Variants in ZNF705B observed in about 807,000 individuals in gnomAD.
The protein encoded by ZNF705B is Putative zinc finger protein 705D-like protein LOC100132396.
A neutral mutation model predicts 10.5 loss-of-function variants in ZNF705B; 1 was observed. That is an observed-to-expected ratio of 0.10 (90% CI 0.03 to 0.45). The LOEUF (loss-of-function observed/expected upper bound fraction) is 0.45, where lower values mean the gene tolerates loss of function less well. Ranked by LOEUF, ZNF705B falls within the 20% of genes least tolerant of loss-of-function variation. The probability of loss-of-function intolerance (pLI) is 0.97; values close to 1 mark genes in which losing one functional copy is unlikely to be tolerated. For synonymous variants in ZNF705B, 4 were observed against 25.4 expected (o/e 0.16, Z 2.53); for missense variants, 14 against 84.0 (o/e 0.17, Z 3.26).
chr8:7,940,973 A>G (rs1165607579), intron 2 of ZNF705B, among the ~76,000 whole-genome samples: 1 of 148,800 alleles, frequency 6.7e-6, no homozygotes, highest in Admixed American at 6.7e-5. Context: ...GTTTGCTGAG[A>G]ATAATGGCTT....
At chr8:7,930,552 T>C (rs1418239481) in intron 2 of ZNF705B, 116 bp downstream of exon 2, 8 of 83,994 alleles carry the variant, frequency 9.5e-5, no homozygotes, top group African/African-American at 2.5e-4. Context: ...AACAGCTGCA[T>C]AGCTGAGAAA....
At chr8:7,940,336 G>C (rs796787293) in intron 2 of ZNF705B, among the ~76,000 whole-genome samples, 2 of 147,656 alleles carry the variant, frequency 1.4e-5, no homozygotes, top group South Asian at 4.4e-4. Context: ...AGTGAGCTTG[G>C]GGATAAGTAT....
chr8:7,927,950 C>T (rs1455578378), intron 1 of ZNF705B, among the ~76,000 whole-genome samples: 1 of 138,752 alleles, frequency 7.2e-6, no homozygotes, highest in Non-Finnish European at 1.6e-5. Context: ...GAGTTTCCTC[C>T]CTGCCTTCCT....
intron 2 of ZNF705B, among the ~76,000 whole-genome samples, chr8:7,940,551 C>T (rs1482862858): frequency 1.6e-5 from 2 of 122,308 alleles, no homozygotes; most frequent in African/African-American, 5.5e-5. Flanking sequence ...AACTTACTTA[C>T]GTGGTATATC....
chr8:7,935,509 C>CCTT (rs200831893), intron 2 of ZNF705B, among the ~76,000 whole-genome samples: 3 of 95,348 alleles, frequency 3.1e-5, no homozygotes, highest in East Asian at 6.3e-4. Context: ...AAAACCAGCA[C>CCTT]TTTTTTTTTT....
intron 2 of ZNF705B, among the ~76,000 whole-genome samples, chr8:7,932,459 C>A: frequency 8.2e-6 from 1 of 121,454 alleles, no homozygotes; most frequent in Non-Finnish European, 2.0e-5. Context: ...CACCTCCTAG[C>A]AATGAGAGGA....
At chr8:7,927,460 C>CT (rs1171382795) in intron 1 of ZNF705B, among the ~76,000 whole-genome samples, 1 of 120,782 alleles carries the variant, frequency 8.3e-6, no homozygotes, top group African/African-American at 2.5e-5. Context: ...GCATAAATGT[C>CT]TTTTTTTGAG....
chr8:7,933,988 T>G (rs1476983168), intron 2 of ZNF705B, among the ~76,000 whole-genome samples: 2 of 131,124 alleles, frequency 1.5e-5, no homozygotes, highest in Non-Finnish European at 3.3e-5. Context: ...TCACCCAGGC[T>G]GGAGTGCAGT....
At chr8:7,937,092 T>C (rs1385239789) in intron 2 of ZNF705B, among the ~76,000 whole-genome samples, 3 of 115,064 alleles carry the variant, frequency 2.6e-5, no homozygotes, top group African/African-American at 7.8e-5. Flanking sequence ...ACATAGGCTG[T>C]CTTGTCTAGT....
rs1584994465 is a variant in ZNF705B at position 7,928,135 on chromosome 8, G to A, written c.-222+1738G>A. On this transcript the variant is annotated intron_variant, in intron 1 of 6. Transcript: ENST00000400120. The stretch of plus-strand genomic sequence containing the variant: ...GGAGAGAGCTCGTTCCCTTCTCTGT[G>A]ATGTTATGTGGTGAAAGGTACAAAC... Among the ~76,000 whole-genome samples, 2 of 115,716 alleles carry A rather than the reference G, an allele frequency of 1.7e-5. 1 individual carries two copies. Among genetic ancestry groups the A allele is most frequent in the East Asian group, 5.0e-4 (2 of 4,026 alleles). The allele number at this position is 115,716 out of a possible 152,430, so 75.9% of individuals were successfully genotyped here.
intron 2 of ZNF705B, among the ~76,000 whole-genome samples, chr8:7,932,528 C>T (rs184592865): frequency 8.2e-6 from 1 of 121,322 alleles, no homozygotes; most frequent in Non-Finnish European, 2.0e-5. Flanking sequence ...TCTAGGGAAG[C>T]ACTTACTCTA....
At chr8:7,936,972 A>G (rs992645404) in intron 2 of ZNF705B, among the ~76,000 whole-genome samples, 1 of 120,252 alleles carries the variant, frequency 8.3e-6, no homozygotes, top group African/African-American at 2.5e-5. Context: ...GATTTTAAAA[A>G]TCTTTCGTTT....
intron 1 of ZNF705B, among the ~76,000 whole-genome samples, chr8:7,927,642 C>T (rs1407019784): frequency 8.2e-6 from 1 of 121,904 alleles, no homozygotes; most frequent in Non-Finnish European, 1.9e-5. Context: ...TAGCCATCAC[C>T]AAATAAACAG....
chr8:7,928,267 C>G (rs1420427322), intron 1 of ZNF705B, among the ~76,000 whole-genome samples: 9 of 119,022 alleles, frequency 7.6e-5, no homozygotes, highest in African/African-American at 1.8e-4. Context: ...ATCGTCACCA[C>G]CTTGGGGGTT....
chr8:7,931,500 A>T (rs1819847073), intron 2 of ZNF705B, among the ~76,000 whole-genome samples: 1 of 122,016 alleles, frequency 8.2e-6, no homozygotes, highest in Non-Finnish European at 2.0e-5. Flanking sequence ...GTGGGCTCAT[A>T]CTCAGGTCAC....
At chr8:7,931,121 A>T (rs1265078159) in intron 2 of ZNF705B, among the ~76,000 whole-genome samples, 1 of 121,010 alleles carries the variant, frequency 8.3e-6, no homozygotes, top group Non-Finnish European at 2.0e-5. Context: ...CCAAAGTGCT[A>T]GGATTACAGG....
intron 1 of ZNF705B, 144 bp from the exon 2 acceptor site, chr8:7,930,143 C>T (rs1819802725): frequency 1.7e-5 from 2 of 116,346 alleles, no homozygotes; most frequent in Admixed American, 1.0e-4. Flanking sequence ...TCCCTCCACC[C>T]TCTAGTAGTT....
intron 1 of ZNF705B, among the ~76,000 whole-genome samples, chr8:7,929,316 A>C (rs1349547071): frequency 8.2e-6 from 1 of 121,810 alleles, no homozygotes; most frequent in South Asian, 2.7e-4. Flanking sequence ...ATTAAAAATA[A>C]ACTTTTTTAT....
intron 2 of ZNF705B, among the ~76,000 whole-genome samples, chr8:7,931,435 A>G (rs1307521864): frequency 8.2e-6 from 1 of 121,836 alleles, no homozygotes; most frequent in Non-Finnish European, 2.0e-5. Flanking sequence ...GGTGATAGGT[A>G]TGGTGGATTA....
Sources: gnomAD v4.1 joint callset for allele counts (sites outside exome capture counted in the v4.1 genomes callset) on GRCh38, gnomAD v4.1.1 for gene constraint, MANE v1.5 for transcripts, NCBI Gene and HGNC (gene_info 2026-07-23, HGNC 2026-07-21) for gene names.